The following HPCAL1 variants were observed in gnomAD, a reference collection of about 807,000 sequenced individuals.
The protein encoded by HPCAL1 is hippocalcin-like protein 1.
Under a neutral mutation model 17.1 loss-of-function variants are expected in HPCAL1, and 8 were observed. The observed-to-expected ratio is 0.47, with a 90% CI of 0.27 to 0.84. The LOEUF (loss-of-function observed/expected upper bound fraction) is 0.84, where lower values mean the gene tolerates loss of function less well. Among genes scored for constraint, HPCAL1 ranks in the 40% least tolerant of loss-of-function variants. The probability of loss-of-function intolerance (pLI) is 0.13; values close to 1 mark genes in which losing one functional copy is unlikely to be tolerated. For missense variants in HPCAL1, 165 were observed against 271.1 expected, an observed-to-expected ratio of 0.61 and a Z score of 2.75; for synonymous variants, 112 against 111.4, an observed-to-expected ratio of 1.01 and a Z score of -0.03.
rs143126230 is a variant in HPCAL1 at position 10,331,764 on chromosome 2, C to T, written c.-111+28587C>T. Among the ~76,000 whole-genome samples, 584 of 152,188 alleles carry T rather than the reference C, an allele frequency of 3.8e-3. 7 individuals carry two copies. The highest frequency in any genetic ancestry group is 0.012 in the African/African-American group (513 of 41,520). ...TTTGTGGATGGGGACATAAACAAGCCGCCATCAACTGCTTGGTGACATTGG... is the reference window on the plus strand; with the variant it reads ...TTTGTGGATGGGGACATAAACAAGCTGCCATCAACTGCTTGGTGACATTGG... On this transcript the variant is annotated intron_variant, in intron 1 of 4. Transcript: ENST00000307845. This position sits in a 1 kb window ranked among gnomAD's most constrained non-coding sequence, Gnocchi z 5.0.
At chr2:10,325,311 TCA>T (rs1663940309) in intron 1 of HPCAL1, among the ~76,000 whole-genome samples, 2 of 152,182 alleles carry the variant, frequency 1.3e-5, no homozygotes, top group Non-Finnish European at 2.9e-5. Flanking sequence ...GGTTTTCAGT[TCA>T]CAGGTGTGCT....
In HPCAL1 at chr2:10,419,928, C is replaced by T; in HGVS notation, c.171C>T (p.Pro57=). The change falls in exon 3 of 5, where the codon CCC becomes CCT. Residue 57 remains proline (P), a synonymous_variant. Coordinates refer to ENST00000307845, the MANE Select transcript of HPCAL1 (RefSeq NM_002149.4). This position sits in a 1 kb window ranked among gnomAD's most constrained non-coding sequence, Gnocchi z 5.0. The part of the protein sequence containing the change: ...EFKKIYANFF[P]YGDASKFAEH... ...AGAAGATCTACGCCAACTTCTTCCC[C>T]TACGGCGACGCTTCCAAGTTCGCCG... 1 of 1,613,994 alleles carries T rather than the reference C, an allele frequency of 6.2e-7. No individual in the cohort carries two copies. Among genetic ancestry groups the T allele is most frequent in the Non-Finnish European group, 8.5e-7 (1 of 1,180,026 alleles).
rs932704627 is a variant in HPCAL1, at chr2:10,323,764, G to A, written c.-111+20587G>A. Among the ~76,000 whole-genome samples, 1 of 152,200 alleles carries A rather than the reference G, an allele frequency of 6.6e-6. No individual in the cohort carries two copies. The highest frequency in any genetic ancestry group is 6.5e-5 in the Admixed American group (1 of 15,286). ...AATATTTATGGAGTGCCTACTGTAT[G>A]CCAGGGATTCTTCCAGGCACTGGGG... is the stretch of plus-strand genomic sequence containing the variant. On this transcript the variant is annotated intron_variant, in intron 1 of 4. Transcript: ENST00000307845. The surrounding 1 kb of genome is among the most constrained non-coding windows in gnomAD (Gnocchi z 4.6).
rs1312798587 is a variant in HPCAL1, at chr2:10,341,074, C to T, written c.-111+37897C>T. 2.0e-5 allele frequency among the ~76,000 whole-genome samples: 3 copies of T among 152,216 alleles called. No homozygotes were observed. The East Asian group carries it at 5.8e-4, about 29-fold the overall frequency. On this transcript the variant is annotated intron_variant, in intron 1 of 4. Transcript: ENST00000307845. The stretch of plus-strand genomic sequence containing the variant: ...CTTCATGTGTCTGGAGGCAGGTTTT[C>T]TGTGGAGTTATGCTTTAAATTGGCT...
chr2:10,307,699 T>C (rs888060759), intron 1 of HPCAL1, among the ~76,000 whole-genome samples: 2 of 152,220 alleles, frequency 1.3e-5, no homozygotes, highest in African/African-American at 4.8e-5. Flanking sequence ...TTTGGAGCTC[T>C]TTGTCTGTCT....
At chr2:10,398,829 G>A (rs1669234743) in intron 2 of HPCAL1, among the ~76,000 whole-genome samples, 1 of 152,156 alleles carries the variant, frequency 6.6e-6, no homozygotes, top group Non-Finnish European at 1.5e-5. Context: ...CTCAGCCTCA[G>A]GGTGCCAGTT....
chr2:10,409,648 C>G (rs1670205668), intron 2 of HPCAL1, among the ~76,000 whole-genome samples: 1 of 152,154 alleles, frequency 6.6e-6, no homozygotes, highest in African/African-American at 2.4e-5. Context: ...CCACCGGCCC[C>G]TTCTGCCTTC....
intron 3 of HPCAL1, among the ~76,000 whole-genome samples, chr2:10,421,201 C>T (rs556360315): frequency 3.9e-5 from 6 of 152,356 alleles, no homozygotes; most frequent in East Asian, 3.9e-4. Flanking sequence ...GAAGCATTAA[C>T]GATCACGAGA....
chr2:10,389,473 C>G lies in HPCAL1; in HGVS notation c.-110-7362C>G, dbSNP rs575730850. On this transcript the variant is annotated intron_variant, in intron 1 of 4. Transcript: ENST00000307845. ...AGTCCCAGTTTGGGGGCTCACCTGC[C>G]CTGCAAGATCAGGAGCCATCTGTAC... Among the ~76,000 whole-genome samples, 15 of 152,336 alleles carry G rather than the reference C, an allele frequency of 9.8e-5. No individual in the cohort carries two copies. The South Asian group carries it at 3.1e-3, about 32-fold the overall frequency.
At chr2:10,306,042 C>G (rs765398333) in intron 1 of HPCAL1, among the ~76,000 whole-genome samples, 1 of 152,184 alleles carries the variant, frequency 6.6e-6, no homozygotes, top group Admixed American at 6.5e-5. Context: ...ATTCTAAGAC[C>G]CTTTTTGCTA....
At chr2:10,366,024 C>T (rs759194328) in intron 1 of HPCAL1, among the ~76,000 whole-genome samples, 2 of 152,138 alleles carry the variant, frequency 1.3e-5, no homozygotes, top group Non-Finnish European at 2.9e-5. Context: ...CACGTTTGCC[C>T]AGCAGCACGC....
chr2:10,407,884 G>C (rs1465968080), intron 2 of HPCAL1, among the ~76,000 whole-genome samples: 1 of 152,236 alleles, frequency 6.6e-6, no homozygotes, highest in East Asian at 1.9e-4. Context: ...CGCGTTCAAA[G>C]CTGAGTTCAT....
Position 10,304,031 on chromosome 2 carries a change from G to C in HPCAL1, c.-111+854G>C, listed in dbSNP as rs1407010797. 1 of 152,188 alleles carries C rather than the reference G, an allele frequency of 6.6e-6. No homozygotes were observed. Among genetic ancestry groups the C allele is most frequent in the Non-Finnish European group, 1.5e-5 (1 of 68,066 alleles). 9.4% of individuals were successfully genotyped at this position (152,188 alleles called of 1,614,324 possible). On this transcript the variant is annotated intron_variant, in intron 1 of 4. Transcript: ENST00000307845. This position sits in a 1 kb window ranked among gnomAD's most constrained non-coding sequence, Gnocchi z 4.1. ...GTGGGTGGGGCCTTACATTTTCCCC[G>C]GGCGTGTTTTGTGCCTCTCCCTGGC...
intron 1 of HPCAL1, among the ~76,000 whole-genome samples, chr2:10,333,999 C>T (rs1052166640): frequency 9.2e-5 from 14 of 152,174 alleles, no homozygotes; most frequent in African/African-American, 3.4e-4. Flanking sequence ...ATTGATTGTA[C>T]TATAAATTCC....
At chr2:10,409,694 C>A (rs1391095492) in intron 2 of HPCAL1, among the ~76,000 whole-genome samples, 1 of 150,386 alleles carries the variant, frequency 6.6e-6, no homozygotes, top group Admixed American at 6.6e-5. Context: ...AACAAGCTCT[C>A]ATCTCAAATG....
At chr2:10,390,709 C>T (rs775568116) in intron 1 of HPCAL1, among the ~76,000 whole-genome samples, 20 of 152,142 alleles carry the variant, frequency 1.3e-4, no homozygotes, top group Non-Finnish European at 2.1e-4. Context: ...GAGGAAGAAG[C>T]TTTTCCAGTA....
chr2:10,319,329 T>C (rs1663523951), intron 1 of HPCAL1, among the ~76,000 whole-genome samples: 1 of 152,028 alleles, frequency 6.6e-6, no homozygotes, highest in South Asian at 2.1e-4. Flanking sequence ...GGGACGATGT[T>C]TGAAGGAAGC....
At chr2:10,364,729 G>C (rs772456695) in intron 1 of HPCAL1, among the ~76,000 whole-genome samples, 1 of 152,060 alleles carries the variant, frequency 6.6e-6, no homozygotes, top group Non-Finnish European at 1.5e-5. Context: ...GGGACTACAG[G>C]TGCATGCCCC....
intron 1 of HPCAL1, among the ~76,000 whole-genome samples, chr2:10,312,490 C>T (rs1663047144): frequency 6.6e-6 from 1 of 151,398 alleles, no homozygotes; most frequent in Non-Finnish European, 1.5e-5. Context: ...TCATCATCAC[C>T]ATTCACCGTC....
Sources: allele counts gnomAD v4.1 joint callset (sites outside exome capture counted in the v4.1 genomes callset), GRCh38; gene constraint gnomAD v4.1.1; non-coding constraint Gnocchi (gnomAD v3.1); transcripts MANE v1.5; gene names NCBI Gene and HGNC (gene_info 2026-07-23, HGNC 2026-07-21).